Variants in PTPRN2 observed in about 807,000 individuals in gnomAD.
PTPRN2 encodes the protein receptor-type tyrosine-protein phosphatase N2.
PTPRN2 carries 74 observed loss-of-function variants against 118.8 expected under a neutral mutation model. The ratio of observed to expected loss-of-function variants is 0.62; its 90% CI spans 0.52 to 0.76. The LOEUF (loss-of-function observed/expected upper bound fraction) is 0.76, where lower values mean the gene tolerates loss of function less well. Ranked by LOEUF, PTPRN2 falls within the 30% of genes least tolerant of loss-of-function variation. The probability of loss-of-function intolerance (pLI) is 0.00; values close to 1 mark genes in which losing one functional copy is unlikely to be tolerated. For missense variants in PTPRN2, 1,481 were observed against 1,394.4 expected, an observed-to-expected ratio of 1.06 and a Z score of -0.99; for synonymous variants, 641 against 608.0, an observed-to-expected ratio of 1.05 and a Z score of -0.80.
At chr7:157,565,257 C>T (rs774709181) in intron 21 of PTPRN2, among the ~76,000 whole-genome samples, 4 of 152,220 alleles carry the variant, frequency 2.6e-5, no homozygotes, top group African/African-American at 4.8e-5. Context: ...ACATTCACGC[C>T]GTGAGACTAC....
chr7:158,484,767 T>C (rs1373962470), intron 2 of PTPRN2, among the ~76,000 whole-genome samples: 1 of 152,226 alleles, frequency 6.6e-6, no homozygotes, highest in East Asian at 1.9e-4. Flanking sequence ...AGTGTGCCGG[T>C]GCTTCCTGCC....
At position 158,016,976 on chromosome 7, in the gene PTPRN2, T is replaced by A. The variant is rs77891192; in HGVS notation, c.1723+64322A>T. Among the ~76,000 whole-genome samples the A allele has an allele frequency of 1.9e-3, 292 of 152,278 alleles. 1 individual carries two copies. The highest frequency in any genetic ancestry group is 6.8e-3 in the African/African-American group (282 of 41,550). ...GTATTAAAACAGCCCCACACATCCT[T>A]GCAGGAAAGGAAAACATTGCGTTTG... On this transcript the variant is annotated intron_variant, in intron 11 of 22. Coordinates refer to ENST00000389418, the MANE Select transcript of PTPRN2 (RefSeq NM_002847.5).
chr7:158,528,281 C>A (rs922622522), intron 1 of PTPRN2, among the ~76,000 whole-genome samples: 1 of 152,270 alleles, frequency 6.6e-6, no homozygotes, highest in Non-Finnish European at 1.5e-5. Flanking sequence ...CGGGGGCACC[C>A]GCCTGGGCAG....
chr7:158,387,198 G>A (rs997733637), intron 2 of PTPRN2, among the ~76,000 whole-genome samples: 1 of 152,226 alleles, frequency 6.6e-6, no homozygotes, highest in Non-Finnish European at 1.5e-5. Context: ...TGGCTTCAGG[G>A]CCCACACGGA....
chr7:157,721,107 A>G (rs1369547242), intron 12 of PTPRN2, among the ~76,000 whole-genome samples: 1 of 152,172 alleles, frequency 6.6e-6, no homozygotes, highest in East Asian at 1.9e-4. Context: ...GTACAGATAT[A>G]AAACAGAAGA....
intron 12 of PTPRN2, among the ~76,000 whole-genome samples, chr7:157,793,576 A>G (rs1804663114): frequency 6.6e-6 from 1 of 152,174 alleles, no homozygotes; most frequent in Non-Finnish European, 1.5e-5. Flanking sequence ...CTCGTGGTTC[A>G]TTCCCACGTG....
intron 3 of PTPRN2, among the ~76,000 whole-genome samples, chr7:158,239,116 C>T (rs1471719587): frequency 6.6e-6 from 1 of 152,178 alleles, no homozygotes; most frequent in Non-Finnish European, 1.5e-5. Context: ...GTGGGGGCCA[C>T]CACCATGCCC....
At chr7:157,680,504 G>A (rs1796868845) in intron 13 of PTPRN2, among the ~76,000 whole-genome samples, 1 of 152,156 alleles carries the variant, frequency 6.6e-6, no homozygotes, top group South Asian at 2.1e-4. Flanking sequence ...TCCTTTCCTT[G>A]TAACCGCAAT....
At chr7:157,715,757 G>A (rs1298232630) in intron 12 of PTPRN2, among the ~76,000 whole-genome samples, 3 of 152,230 alleles carry the variant, frequency 2.0e-5, no homozygotes, top group Non-Finnish European at 2.9e-5. Context: ...TACACACCCC[G>A]ATGTTCTGGG....
chr7:158,013,854 ACCCAC>A (rs1806245387), intron 11 of PTPRN2, among the ~76,000 whole-genome samples: 1 of 81,454 alleles, frequency 1.2e-5, no homozygotes, highest in Admixed American at 1.3e-4. Context: ...CCACCCACCC[ACCCAC>A]TCACCCACCC....
chr7:158,400,273 C>A (rs1019578326), intron 2 of PTPRN2, among the ~76,000 whole-genome samples: 5 of 152,108 alleles, frequency 3.3e-5, no homozygotes, highest in African/African-American at 1.2e-4. Flanking sequence ...CAAGCAGATG[C>A]GCTACCCTAT....
intron 1 of PTPRN2, among the ~76,000 whole-genome samples, chr7:158,569,974 G>C (rs997164499): frequency 6.6e-6 from 1 of 152,158 alleles, no homozygotes; most frequent in South Asian, 2.1e-4. Flanking sequence ...TGGCCAGCGG[G>C]TGCCGCTCGC....
At chr7:158,556,112 A>T (rs1826966427) in intron 1 of PTPRN2, among the ~76,000 whole-genome samples, 1 of 152,242 alleles carries the variant, frequency 6.6e-6, no homozygotes, top group South Asian at 2.1e-4. Flanking sequence ...GATGTGAAAG[A>T]CTATGTTCTA....
chr7:158,171,348 T>TATATATACATATAC (rs1554571717), intron 5 of PTPRN2, among the ~76,000 whole-genome samples: 1 of 90,004 alleles, frequency 1.1e-5, no homozygotes, highest in Non-Finnish European at 2.1e-5. Flanking sequence ...TATATATATA[T>TATATATACATATAC]ACACACACAC....
At chr7:157,935,533 C>T (rs777341068) in intron 11 of PTPRN2, among the ~76,000 whole-genome samples, 11 of 152,348 alleles carry the variant, frequency 7.2e-5, no homozygotes, top group South Asian at 2.1e-4. Flanking sequence ...CCCTCTTCTC[C>T]GTCTTTCCCT....
At chr7:158,357,795 T>C (rs1808505746) in intron 2 of PTPRN2, among the ~76,000 whole-genome samples, 1 of 152,166 alleles carries the variant, frequency 6.6e-6, no homozygotes, top group Non-Finnish European at 1.5e-5. Context: ...AGGAGGCGCA[T>C]TGCGTCCAGC....
rs147343166 is a variant in PTPRN2 at position 158,297,415 on chromosome 7, C to T, written c.277+19404G>A. Among the ~76,000 whole-genome samples the T allele has an allele frequency of 2.0e-4, 30 of 152,272 alleles. No individual in the cohort carries two copies. The East Asian group carries it at 3.7e-3, about 19-fold the overall frequency. On this transcript the variant is annotated intron_variant, in intron 3 of 22. Coordinates refer to ENST00000389418, the MANE Select transcript of PTPRN2 (RefSeq NM_002847.5). ...GCCACAGTGATGACACTGCAAAGTCCGTTCATTTGTGATACGGTATCTCCT... is the reference window on the plus strand; with the variant it reads ...GCCACAGTGATGACACTGCAAAGTCTGTTCATTTGTGATACGGTATCTCCT...
chr7:158,401,247 T>C (rs563062352), intron 2 of PTPRN2, among the ~76,000 whole-genome samples: 1 of 152,204 alleles, frequency 6.6e-6, no homozygotes, highest in Non-Finnish European at 1.5e-5. Context: ...GAAGGCTGTG[T>C]GTATGGAGGC....
intron 2 of PTPRN2, among the ~76,000 whole-genome samples, chr7:158,317,927 C>T (rs543809860): frequency 6.6e-6 from 1 of 152,320 alleles, no homozygotes; most frequent in Admixed American, 6.5e-5. Context: ...GTATTGCAAG[C>T]GTCCTGCGGG....
Sources: allele counts gnomAD v4.1 joint callset (sites outside exome capture counted in the v4.1 genomes callset), GRCh38; gene constraint gnomAD v4.1.1; transcripts MANE v1.5; gene names NCBI Gene and HGNC (gene_info 2026-07-23, HGNC 2026-07-21).